AMBN: variants seen among roughly 807,000 people sequenced by gnomAD.
AMBN encodes the protein enamel matrix protein.
Under a neutral mutation model 48.0 loss-of-function variants are expected in AMBN, and 54 were observed. The ratio of observed to expected loss-of-function variants is 1.12; its 90% CI spans 0.90 to 1.41. AMBN has a LOEUF of 1.41. Among genes scored for constraint, AMBN ranks in the 40% most tolerant of loss-of-function variants. The probability of loss-of-function intolerance (pLI) is 0.00; values close to 1 mark genes in which losing one functional copy is unlikely to be tolerated. For missense variants in AMBN, 571 were observed against 547.3 expected, an observed-to-expected ratio of 1.04 and a Z score of -0.43; for synonymous variants, 186 against 190.0, an observed-to-expected ratio of 0.98 and a Z score of 0.17.
chr4:70,593,227 T>C, intron 1 of AMBN, 100 bp from the exon 2 acceptor site: 6 of 914,026 alleles, frequency 6.6e-6, no homozygotes, highest in South Asian at 1.7e-5. Flanking sequence ...CCGGTGGTTT[T>C]TGTAAGAGCA....
intron 2 of AMBN, among the ~76,000 whole-genome samples, chr4:70,595,205 T>TC (rs1202392219): frequency 6.7e-6 from 1 of 149,876 alleles, no homozygotes; most frequent in Non-Finnish European, 1.5e-5. Flanking sequence ...TTTTTTTTTT[T>TC]TTTTTACAGT....
chr4:70,596,727 A>C (rs771701895), intron 2 of AMBN, among the ~76,000 whole-genome samples: 12 of 152,238 alleles, frequency 7.9e-5, no homozygotes, highest in Non-Finnish European at 1.3e-4. Flanking sequence ...GTAACTTTAA[A>C]TCATATTTTG....
rs1030411096 is a variant in AMBN, at chr4:70,601,723, G to A, written c.531+69G>A. On this transcript the variant is annotated intron_variant, in intron 6 of 12. Transcript: ENST00000322937. Reference sequence around the variant, plus strand: ...CTAATAGAAGAAAACGAATTTGCAGGGCACTTTTAAATAATCGTAGCCTTC... The same window carrying A: ...CTAATAGAAGAAAACGAATTTGCAGAGCACTTTTAAATAATCGTAGCCTTC... 1.9e-5 allele frequency: 28 copies of A among 1,456,748 alleles called. 2 individuals carry two copies. The highest frequency in any genetic ancestry group is 8.4e-5 in the South Asian group (7 of 82,946). The allele number at this position is 1,456,748 out of a possible 1,614,324, so 90.2% of individuals were successfully genotyped here. A position where few individuals can be genotyped will look rare whatever the true frequency, so the allele number is the denominator to read the frequency against.
chr4:70,604,866 G>C (rs1396865497), intron 12 of AMBN, among the ~76,000 whole-genome samples: 1 of 152,022 alleles, frequency 6.6e-6, no homozygotes, highest in Non-Finnish European at 1.5e-5. Flanking sequence ...AGTGGCGCGA[G>C]CCTGTAGTCG....
At chr4:70,604,346 A>G (rs1021003876) in intron 12 of AMBN, among the ~76,000 whole-genome samples, 4 of 152,226 alleles carry the variant, frequency 2.6e-5, no homozygotes, top group Admixed American at 2.0e-4. Context: ...ATCAAAAAGC[A>G]AAAGAAAACC....
At chr4:70,602,510 T>C in intron 6 of AMBN, 114 bp from the exon 7 acceptor site, 1 of 699,352 alleles carries the variant, frequency 1.4e-6, no homozygotes, top group Non-Finnish European at 2.3e-6. Context: ...ATTGTAATTG[T>C]AAACAAGATA....
At chr4:70,605,173 C>T (rs1292195891) in intron 12 of AMBN, among the ~76,000 whole-genome samples, 2 of 151,938 alleles carry the variant, frequency 1.3e-5, no homozygotes, top group Non-Finnish European at 2.9e-5. Context: ...AGTATCATCC[C>T]TGGAGGAGAT....
At chr4:70,599,418 C>T (rs544588394) in intron 4 of AMBN, 118 bp from the exon 5 acceptor site, 41 of 706,154 alleles carry the variant, frequency 5.8e-5, no homozygotes, top group South Asian at 5.0e-4. Context: ...TCCAGCCTGG[C>T]GACAGAGCAA....
chr4:70,593,573 G>A lies in AMBN; in HGVS notation c.84+178G>A, dbSNP rs372811383. 7.6e-4 allele frequency among the ~76,000 whole-genome samples: 116 copies of A among 152,204 alleles called. 2 individuals carry two copies. In the South Asian group the frequency reaches 0.02, roughly 27 times the overall value. The stretch of plus-strand genomic sequence containing the variant: ...GATGTCAGTCTTGCAATCCAAAAGC[G>A]GTAAGTGATAGCCGGGTGCGGTGGC... On this transcript the variant is annotated intron_variant, in intron 2 of 12. Coordinates refer to ENST00000322937, the MANE Select transcript of AMBN (RefSeq NM_016519.6).
Position 70,604,821 on chromosome 4 carries a change from C to T in AMBN, c.798+900C>T, listed in dbSNP as rs142254586. On this transcript the variant is annotated intron_variant, in intron 12 of 12. Coordinates refer to ENST00000322937, the MANE Select transcript of AMBN (RefSeq NM_016519.6). Reference sequence around the variant, plus strand: ...CAGCCTGGCCAACATGGTAAAACCCCGTCTCCACTAAAAATACAAAAATCA... The same window carrying T: ...CAGCCTGGCCAACATGGTAAAACCCTGTCTCCACTAAAAATACAAAAATCA... Among the ~76,000 whole-genome samples, 911 of 152,062 alleles carry T rather than the reference C, an allele frequency of 6.0e-3. 6 individuals carry two copies. The highest frequency in any genetic ancestry group is 9.9e-3 in the Non-Finnish European group (670 of 67,990).
At position 70,602,643 on chromosome 4, in the gene AMBN, C is replaced by A; in HGVS notation, c.551C>A (p.Ala184Asp). Residue 184 changes from alanine to aspartate, a missense_variant, in exon 7 of 13, where the codon GCT (alanine) becomes GAT (aspartate). Coordinates refer to ENST00000322937, the MANE Select transcript of AMBN (RefSeq NM_016519.6). ...PKPELPGVDF[A>D]DPQGPSLPGM... ...ATATAGCTCCCAGGAGTAGATTTTGCTGATCCACAAGGTCCATCAGTAAGT... is the reference window on the plus strand; with the variant it reads ...ATATAGCTCCCAGGAGTAGATTTTGATGATCCACAAGGTCCATCAGTAAGT... 1 of 1,568,608 alleles carries A rather than the reference C, an allele frequency of 6.4e-7. No individual in the cohort carries two copies. The highest frequency in any genetic ancestry group is 8.7e-7 in the Non-Finnish European group (1 of 1,154,246).
intron 6 of AMBN, 36 bp downstream of exon 6, chr4:70,601,690 C>G: frequency 6.3e-7 from 1 of 1,590,254 alleles, no homozygotes; most frequent in Non-Finnish European, 8.6e-7. Flanking sequence ...TCAGAATCAC[C>G]AGCTAACCTA....
Position 70,599,521 on chromosome 4 carries a change from T to C in AMBN, c.184-15T>C, listed in dbSNP as rs771648844. ...ATTTAAATATAAGCATGTCTTTTTT[T>C]ATCCATGTCTTTAGTATTCTAGATA... is the stretch of plus-strand genomic sequence containing the variant. On this transcript the variant is annotated splice_polypyrimidine_tract_variant and intron_variant, in intron 4 of 12. Transcript: ENST00000322937. 2.6e-6 allele frequency: 4 copies of C among 1,544,782 alleles called. No homozygotes were observed. Among genetic ancestry groups the C allele is most frequent in the Non-Finnish European group, 3.5e-6 (4 of 1,129,668 alleles).
At position 70,606,890 on chromosome 4, in the gene AMBN, C is replaced by A; in HGVS notation, c.*160C>A. ...GCAAGTGGCTAGAAATAGTGTAGGT[C>A]CCCTTCTTGCTTTCAATATCTTGTT... On this transcript the variant is annotated 3_prime_UTR_variant, in exon 13 of 13. Transcript: ENST00000322937. 1.3e-6 allele frequency: 1 copy of A among 741,866 alleles called. No individual in the cohort carries two copies. The highest frequency in any genetic ancestry group is 2.1e-6 in the Non-Finnish European group (1 of 471,294). 46.0% of individuals were successfully genotyped at this position (741,866 alleles called of 1,614,324 possible).
At chr4:70,602,029 T>C (rs1160039062) in intron 6 of AMBN, 4 of 430,598 alleles carry the variant, frequency 9.3e-6, no homozygotes, top group South Asian at 5.1e-5. Flanking sequence ...GCATAACAAG[T>C]AGGATTTTGC....
At chr4:70,598,214 C>A in intron 3 of AMBN, 142 bp from the exon 4 acceptor site, 1 of 449,004 alleles carries the variant, frequency 2.2e-6, no homozygotes, top group Non-Finnish European at 3.9e-6. Flanking sequence ...TTCCACCTTT[C>A]AGTGATGATT....
Position 70,602,890 on chromosome 4 carries a change from T to C in AMBN, c.609+54T>C, listed in dbSNP as rs977769813. 6.5e-6 allele frequency: 10 copies of C among 1,540,140 alleles called. No individual in the cohort carries two copies. The African/African-American group carries it at 1.4e-4, about 21-fold the overall frequency. ...TATTTTTTATTTTTATTTTTATTTG[T>C]TCACTTTGTCTATCTTTTATTTGCA... On this transcript the variant is annotated intron_variant, in intron 8 of 12. Transcript: ENST00000322937.
intron 3 of AMBN, among the ~76,000 whole-genome samples, chr4:70,597,956 C>CTTGTTTGT (rs10540269): frequency 6.6e-6 from 1 of 151,364 alleles, no homozygotes; most frequent in Non-Finnish European, 1.5e-5. Context: ...ATTTGTTTGT[C>CTTGTTTGT]TTGTTTGTTT....
chr4:70,605,146 C>G (rs1737613727), intron 12 of AMBN, among the ~76,000 whole-genome samples: 1 of 151,844 alleles, frequency 6.6e-6, no homozygotes, highest in South Asian at 2.1e-4. Flanking sequence ...GGCAGTTAGC[C>G]CAGTCCAGGG....
Sources: allele counts gnomAD v4.1 joint callset (sites outside exome capture counted in the v4.1 genomes callset), GRCh38; gene constraint gnomAD v4.1.1; transcripts MANE v1.5; gene names NCBI Gene and HGNC (gene_info 2026-07-23, HGNC 2026-07-21).